The following KLHL15 variants were observed in gnomAD, a reference collection of about 807,000 sequenced individuals.
KLHL15 encodes the protein kelch like family member 15, also known as kelch-like protein 15.
A neutral mutation model predicts 29.3 loss-of-function variants in KLHL15; 1 was observed. The observed-to-expected ratio is 0.03, with a 90% confidence interval of 0.01 to 0.16. KLHL15 has a LOEUF of 0.16. Ranked by LOEUF, KLHL15 falls within the 10% of genes least tolerant of loss-of-function variation. KLHL15 has a pLI of 1.00. For synonymous variants in KLHL15, 212 were observed against 184.5 expected (o/e 1.15, Z -1.21); for missense variants, 215 against 478.5 (o/e 0.45, Z 5.14).
intron 1 of KLHL15, among the ~76,000 whole-genome samples, chrX:24,026,000 A>G (rs1929926859): frequency 9.0e-6 from 1 of 111,318 alleles, no homozygotes; most frequent in African/African-American, 3.3e-5. Flanking sequence ...CTAGGAAGCC[A>G]GGAAAGTGTC....
chrX:24,002,923 T>C (rs1038086291), intron 3 of KLHL15, among the ~76,000 whole-genome samples: 7 of 113,091 alleles, frequency 6.2e-5, no homozygotes, highest in Non-Finnish European at 1.3e-4. Flanking sequence ...CCACCCTTCC[T>C]AGCCCTTCGG....
chrX:24,015,338 A>G (rs1157971656), intron 2 of KLHL15, among the ~76,000 whole-genome samples: 1 of 112,514 alleles, frequency 8.9e-6, no homozygotes, highest in Non-Finnish European at 1.9e-5. Context: ...TAAATAAACT[A>G]TAGCTACTTT....
chrX:24,023,534 T>C, intron 2 of KLHL15, among the ~76,000 whole-genome samples: 1 of 112,152 alleles, frequency 8.9e-6, no homozygotes, highest in Middle Eastern at 4.6e-3. Context: ...ATGCTTCTCT[T>C]TTCACTTTTT....
intron 2 of KLHL15, among the ~76,000 whole-genome samples, chrX:24,010,499 T>C (rs1362690714): frequency 8.9e-6 from 1 of 112,540 alleles, no homozygotes; most frequent in Non-Finnish European, 1.9e-5. Flanking sequence ...ATCAAAGATG[T>C]TCCCAAACTA....
intron 2 of KLHL15, among the ~76,000 whole-genome samples, chrX:24,013,356 G>A (rs1384467301): frequency 2.7e-5 from 3 of 110,944 alleles, no homozygotes; most frequent in African/African-American, 9.8e-5. Flanking sequence ...TCCACCTTCT[G>A]GGTTCAAGTG....
intron 3 of KLHL15, among the ~76,000 whole-genome samples, chrX:23,989,712 A>G (rs1929044015): frequency 9.0e-6 from 1 of 111,170 alleles, no homozygotes; most frequent in African/African-American, 3.3e-5. Flanking sequence ...ATACATGTAA[A>G]ATTTCGGGGT....
intron 3 of KLHL15, among the ~76,000 whole-genome samples, chrX:24,003,015 C>T (rs1203942829): frequency 8.9e-6 from 1 of 112,629 alleles, no homozygotes. Flanking sequence ...TTTGTTAATG[C>T]AAACAGCTTA....
intron 3 of KLHL15, among the ~76,000 whole-genome samples, chrX:23,990,571 A>G (rs73625199): frequency 0.028 from 3,110 of 111,697 alleles, 118 homozygotes; most frequent in African/African-American, 0.096. Context: ...CTCAAATGTG[A>G]TTTGAGCATT....
chrX:24,007,491 CAAAA>C (rs1173565203), intron 2 of KLHL15, among the ~76,000 whole-genome samples: 17 of 62,309 alleles, frequency 2.7e-4, no homozygotes, highest in African/African-American at 9.6e-4. Context: ...ACCCCATTTC[CAAAA>C]AAAAAAAAAA....
chrX:24,024,889 G>C lies in KLHL15; in HGVS notation c.-40C>G, dbSNP rs1388391205. On this transcript the variant is annotated 5_prime_UTR_variant, in exon 2 of 4. Transcript: ENST00000328046. ...GGTCCTGTCCAGCCTCTAGTGGACG[G>C]CAGTCTGCATCAGGAAGAACCGGGC... is the stretch of plus-strand genomic sequence containing the variant. 2 of 295,937 alleles carry C rather than the reference G, an allele frequency of 6.8e-6. No homozygotes were observed. Among genetic ancestry groups the C allele is most frequent in the African/African-American group, 5.5e-5 (2 of 36,616 alleles). The allele number at this position is 295,937 out of a possible 1,213,427, so 24.4% of individuals were successfully genotyped here. A position where few individuals can be genotyped will look rare whatever the true frequency, so the allele number is the denominator to read the frequency against.
At chrX:24,019,157 A>C (rs752516028) in intron 2 of KLHL15, among the ~76,000 whole-genome samples, 2 of 112,667 alleles carry the variant, frequency 1.8e-5, no homozygotes, top group Non-Finnish European at 3.7e-5. Context: ...AGAGATATGC[A>C]AAAATTTAAA....
chrX:24,015,232 C>A (rs992889434), intron 2 of KLHL15, among the ~76,000 whole-genome samples: 1 of 112,097 alleles, frequency 8.9e-6, no homozygotes, highest in Non-Finnish European at 1.9e-5. Context: ...AAAACAAGAG[C>A]ACTAGACATG....
chrX:24,025,263 C>G (rs930627319), intron 1 of KLHL15, among the ~76,000 whole-genome samples: 6 of 109,939 alleles, frequency 5.5e-5, no homozygotes, highest in African/African-American at 2.0e-4. Flanking sequence ...GCCGAGGAAG[C>G]GTCGAGGACG....
chrX:24,012,263 G>A (rs1402453619), intron 2 of KLHL15, among the ~76,000 whole-genome samples: 2 of 112,385 alleles, frequency 1.8e-5, no homozygotes, highest in Non-Finnish European at 3.8e-5. Context: ...GTGTATTACT[G>A]CTTTTAAAAA....
At chrX:23,998,308 G>A (rs1929236682) in intron 3 of KLHL15, among the ~76,000 whole-genome samples, 1 of 110,135 alleles carries the variant, frequency 9.1e-6, no homozygotes, top group Non-Finnish European at 1.9e-5. Flanking sequence ...CCAGGCTGGA[G>A]TGCAGTGGCG....
intron 2 of KLHL15, among the ~76,000 whole-genome samples, chrX:24,018,715 T>C: frequency 9.0e-6 from 1 of 111,552 alleles, no homozygotes; most frequent in South Asian, 3.8e-4. Flanking sequence ...TTAAAGTTAT[T>C]GGTCAGCCGG....
At position 23,996,590 on chromosome X, in the gene KLHL15, G is replaced by A. The variant is rs779451518; in HGVS notation, c.706-7560C>T. ...AGGTAGGAGAATCGCTTGATCCCGGGAGGCAGAGGTTGCAGTGAGCCGAGA... is the reference window on the plus strand; with the variant it reads ...AGGTAGGAGAATCGCTTGATCCCGGAAGGCAGAGGTTGCAGTGAGCCGAGA... On this transcript the variant is annotated intron_variant, in intron 3 of 3. Transcript: ENST00000328046. 1.3e-3 allele frequency among the ~76,000 whole-genome samples: 143 copies of A among 111,380 alleles called. 1 individual carries two copies. Among genetic ancestry groups the A allele is most frequent in the Admixed American group, 6.9e-3 (72 of 10,428 alleles).
chrX:24,012,596 C>T (rs1052323327), intron 2 of KLHL15, among the ~76,000 whole-genome samples: 4 of 112,046 alleles, frequency 3.6e-5, no homozygotes, highest in African/African-American at 1.3e-4. Context: ...GTACTTTCAC[C>T]AATACCTGGA....
At position 24,017,679 on chromosome X, in the gene KLHL15, G is replaced by A. The variant is rs756703193; in HGVS notation, c.-8+7178C>T. 2.3e-4 allele frequency among the ~76,000 whole-genome samples: 24 copies of A among 106,510 alleles called. No homozygotes were observed. In the East Asian group the frequency reaches 7.0e-3, roughly 31 times the overall value. 92.5% of individuals were successfully genotyped at this position (106,510 alleles called of 115,157 possible). A position where few individuals can be genotyped will look rare whatever the true frequency, so the allele number is the denominator to read the frequency against. On this transcript the variant is annotated intron_variant, in intron 2 of 3. Coordinates refer to ENST00000328046, the MANE Select transcript of KLHL15 (RefSeq NM_030624.3). ...GACTGTAGTCCCAGCTACTCAGGAG[G>A]CTGAGGTCAGAGGATAAACTGAGCC...
Sources: gnomAD v4.1 joint callset for allele counts (sites outside exome capture counted in the v4.1 genomes callset) on GRCh38, gnomAD v4.1.1 for gene constraint, MANE v1.5 for transcripts, NCBI Gene and HGNC (gene_info 2026-07-23, HGNC 2026-07-21) for gene names.